Variants in KCNIP4 observed in about 807,000 individuals in gnomAD.
KCNIP4 encodes the protein potassium voltage-gated channel interacting protein 4.
In KCNIP4, 12 loss-of-function variants were observed where a neutral mutation model predicts 34.0. That is an observed-to-expected ratio of 0.35 (90% CI 0.23 to 0.57). The LOEUF (loss-of-function observed/expected upper bound fraction) is 0.57. Among genes scored for constraint, KCNIP4 ranks in the 20% least tolerant of loss-of-function variants. The pLI, the probability that KCNIP4 is intolerant of heterozygous loss-of-function variation, is 0.83. For synonymous variants in KCNIP4, 124 were observed against 102.2 expected (o/e 1.21, Z -1.29); for missense variants, 238 against 311.7 (o/e 0.76, Z 1.78).
intron 1 of KCNIP4, among the ~76,000 whole-genome samples, chr4:21,659,787 A>G (rs778051867): frequency 5.9e-5 from 9 of 152,142 alleles, no homozygotes; most frequent in Non-Finnish European, 1.2e-4. Flanking sequence ...GTTATTCCTC[A>G]TTTCAGGTAG....
chr4:21,229,733 A>G (rs1224652611), intron 1 of KCNIP4, among the ~76,000 whole-genome samples: 1 of 152,142 alleles, frequency 6.6e-6, no homozygotes, highest in African/African-American at 2.4e-5. Context: ...GCGAGAGTAA[A>G]AAGATGAGCA....
chr4:21,088,973 A>G (rs551038448), intron 1 of KCNIP4, among the ~76,000 whole-genome samples: 1 of 152,326 alleles, frequency 6.6e-6, no homozygotes, highest in East Asian at 1.9e-4. Context: ...ATGAATAAAT[A>G]TTTTGTTATA....
chr4:21,710,792 A>C (rs1032194090), intron 1 of KCNIP4, among the ~76,000 whole-genome samples: 3 of 152,212 alleles, frequency 2.0e-5, no homozygotes, highest in African/African-American at 7.2e-5. Context: ...CAATTCAAAA[A>C]AAATCTAGAG....
chr4:20,910,139 A>T (rs1009596640), intron 1 of KCNIP4, among the ~76,000 whole-genome samples: 1 of 152,114 alleles, frequency 6.6e-6, no homozygotes, highest in African/African-American at 2.4e-5. Context: ...GTTTTGCTAT[A>T]ATAATGATTT....
intron 1 of KCNIP4, among the ~76,000 whole-genome samples, chr4:21,626,265 G>T (rs1046832619): frequency 6.6e-6 from 1 of 152,054 alleles, no homozygotes; most frequent in Non-Finnish European, 1.5e-5. Flanking sequence ...AATCCTCAAT[G>T]TGATGGTACG....
intron 3 of KCNIP4, among the ~76,000 whole-genome samples, chr4:20,818,746 A>G (rs995433549): frequency 2.6e-5 from 4 of 152,100 alleles, no homozygotes; most frequent in African/African-American, 9.7e-5. Context: ...TATAGATAAA[A>G]GATTGTAGGC....
Position 20,998,536 on chromosome 4 carries a change from A to T in KCNIP4, c.62-115827T>A, listed in dbSNP as rs562374645. Among the ~76,000 whole-genome samples, 25 of 152,338 alleles carry T rather than the reference A, an allele frequency of 1.6e-4. 1 individual carries two copies. Among genetic ancestry groups the T allele is most frequent in the African/African-American group, 5.5e-4 (23 of 41,576 alleles). ...TAAGGCAACTAGACTTTGCTTTTAC[A>T]TTATTTTGACAAGGTTCATGAATAG... On this transcript the variant is annotated intron_variant, in intron 1 of 8. Transcript: ENST00000382152.
At chr4:21,650,225 T>C (rs1747374461) in intron 1 of KCNIP4, among the ~76,000 whole-genome samples, 1 of 152,228 alleles carries the variant, frequency 6.6e-6, no homozygotes, top group African/African-American at 2.4e-5. Context: ...CCTTAATGCA[T>C]GTTCTGCTAA....
intron 1 of KCNIP4, among the ~76,000 whole-genome samples, chr4:21,062,706 T>C (rs1273037238): frequency 1.3e-5 from 2 of 152,106 alleles, no homozygotes; most frequent in Non-Finnish European, 2.9e-5. Flanking sequence ...GCAGAGCCAA[T>C]CTTTCAACTT....
At chr4:21,241,763 A>G (rs1759831223) in intron 1 of KCNIP4, among the ~76,000 whole-genome samples, 1 of 152,174 alleles carries the variant, frequency 6.6e-6, no homozygotes, top group South Asian at 2.1e-4. Context: ...TAGAAGTTCC[A>G]GGGCTTGAGT....
intron 1 of KCNIP4, among the ~76,000 whole-genome samples, chr4:21,578,967 A>G (rs1740973686): frequency 6.6e-6 from 1 of 152,208 alleles, no homozygotes; most frequent in Non-Finnish European, 1.5e-5. Flanking sequence ...GTCAATAAAT[A>G]AACGCTACTA....
intron 1 of KCNIP4, among the ~76,000 whole-genome samples, chr4:21,000,622 TTG>T (rs1738040791): frequency 6.6e-6 from 1 of 151,648 alleles, no homozygotes; most frequent in African/African-American, 2.4e-5. Flanking sequence ...GAGGTGGAGG[TTG>T]CAGTGAGCCA....
chr4:20,739,156 G>T (rs1025193622), intron 5 of KCNIP4, among the ~76,000 whole-genome samples: 1 of 152,186 alleles, frequency 6.6e-6, no homozygotes, highest in East Asian at 1.9e-4. Flanking sequence ...CACCTCTGGG[G>T]GCAGGTCATA....
chr4:21,802,417 A>G lies in KCNIP4; in HGVS notation c.61+146154T>C, dbSNP rs183852611. 2.8e-4 allele frequency among the ~76,000 whole-genome samples: 43 copies of G among 152,254 alleles called. 2 individuals are homozygous for G. Among genetic ancestry groups the G allele is most frequent in the Admixed American group, 2.4e-3 (37 of 15,288 alleles). On this transcript the variant is annotated intron_variant, in intron 1 of 8. Coordinates refer to ENST00000382152, the MANE Select transcript of KCNIP4 (RefSeq NM_025221.6). ...TGTTGCTTTGCAGTTTGGGGAGCAT[A>G]GTTTTTGTTTTTGTTTTCCTAAATA...
At chr4:20,956,015 T>C (rs1437165806) in intron 1 of KCNIP4, among the ~76,000 whole-genome samples, 1 of 152,238 alleles carries the variant, frequency 6.6e-6, no homozygotes, top group Non-Finnish European at 1.5e-5. Flanking sequence ...TGTGTATTCT[T>C]GACACTTACT....
intron 1 of KCNIP4, among the ~76,000 whole-genome samples, chr4:21,089,885 G>T (rs769968328): frequency 1.8e-4 from 27 of 152,074 alleles, no homozygotes; most frequent in Non-Finnish European, 7.4e-5. Context: ...ACCCTATACT[G>T]GTTGTCTATT....
chr4:20,789,089 A>C (rs1015433860), intron 3 of KCNIP4, among the ~76,000 whole-genome samples: 2 of 152,194 alleles, frequency 1.3e-5, no homozygotes, highest in African/African-American at 4.8e-5. Flanking sequence ...CTATGTGGAC[A>C]TGTCCTGTCT....
intron 1 of KCNIP4, among the ~76,000 whole-genome samples, chr4:21,110,320 GA>G (rs1431894458): frequency 2.0e-5 from 3 of 152,080 alleles, no homozygotes; most frequent in Non-Finnish European, 4.4e-5. Context: ...AATGAGGAAA[GA>G]AAAAAACAGA....
chr4:21,118,577 C>G (rs552749688), intron 1 of KCNIP4, among the ~76,000 whole-genome samples: 3 of 152,272 alleles, frequency 2.0e-5, no homozygotes, highest in Middle Eastern at 6.8e-3. Context: ...GGCTGACTCC[C>G]TTGCTGTAGC....
Sources: allele counts gnomAD v4.1 joint callset (sites outside exome capture counted in the v4.1 genomes callset), GRCh38; gene constraint gnomAD v4.1.1; transcripts MANE v1.5; gene names NCBI Gene and HGNC (gene_info 2026-07-23, HGNC 2026-07-21).